PDE4D: variants seen among roughly 807,000 people sequenced by gnomAD.
The protein encoded by PDE4D is 3',5'-cyclic-AMP phosphodiesterase 4D.
In PDE4D, 24 loss-of-function variants were observed where a neutral mutation model predicts 87.4. That is an observed-to-expected ratio of 0.27 (90% CI 0.20 to 0.39). PDE4D has a LOEUF of 0.39. PDE4D is among the 10% of genes least tolerant of loss of function. The pLI, the probability that PDE4D is intolerant of heterozygous loss-of-function variation, is 1.00. For missense variants in PDE4D, 714 were observed against 1,041.0 expected (o/e 0.69, Z 4.32); for synonymous variants, 384 against 383.2 (o/e 1.00, Z -0.02).
intron 1 of PDE4D, among the ~76,000 whole-genome samples, chr5:59,699,470 TG>T (rs1362349629): frequency 2.0e-5 from 3 of 152,106 alleles, no homozygotes. Flanking sequence ...GCTTTTCCTG[TG>T]GGGGTCTTCT....
At chr5:59,372,905 T>C (rs924379714) in intron 1 of PDE4D, among the ~76,000 whole-genome samples, 1 of 152,092 alleles carries the variant, frequency 6.6e-6, no homozygotes, top group Admixed American at 6.5e-5. Context: ...AGTCCAGAAG[T>C]TGGGAGCTGA....
intron 1 of PDE4D, among the ~76,000 whole-genome samples, chr5:59,341,323 A>G (rs1361641117): frequency 1.3e-5 from 2 of 152,296 alleles, no homozygotes; most frequent in East Asian, 3.9e-4. Flanking sequence ...GGGTCCCTTC[A>G]ATAGTTTGGT....
chr5:60,031,082 T>C (rs1007984893), intron 2 of PDE4D: 1 of 152,214 alleles, frequency 6.6e-6, no homozygotes, highest in Non-Finnish European at 1.5e-5. Context: ...AGTGGACAAC[T>C]AAGAACACTT....
chr5:60,045,273 G>C (rs1769072865), intron 2 of PDE4D, among the ~76,000 whole-genome samples: 1 of 151,966 alleles, frequency 6.6e-6, no homozygotes, highest in Non-Finnish European at 1.5e-5. Context: ...CCCTTTGTCA[G>C]ATGAGTAGGT....
At chr5:59,752,305 G>C (rs1760596782) in intron 1 of PDE4D, among the ~76,000 whole-genome samples, 1 of 152,116 alleles carries the variant, frequency 6.6e-6, no homozygotes, top group African/African-American at 2.4e-5. Context: ...CTTTCAAGAG[G>C]TCTTTTTGTT....
Position 59,450,438 on chromosome 5 carries a change from T to C in PDE4D, c.456-234470A>G, listed in dbSNP as rs1486574243. Among the ~76,000 whole-genome samples the C allele has an allele frequency of 3.3e-5, 5 of 152,290 alleles. No individual in the cohort carries two copies. The South Asian group carries it at 8.3e-4, about 25-fold the overall frequency. On this transcript the variant is annotated intron_variant, in intron 1 of 14. Coordinates refer to ENST00000340635, the MANE Select transcript of PDE4D (RefSeq NM_001104631.2). ...GCAGTTTAGCACTGAGTACACTGTG[T>C]CCATCTAGTGGCCAAAAGGTGACTG...
At chr5:59,649,116 C>T (rs1329422993) in intron 1 of PDE4D, among the ~76,000 whole-genome samples, 1 of 152,098 alleles carries the variant, frequency 6.6e-6, no homozygotes, top group Admixed American at 6.5e-5. Context: ...ACAGGGCAGC[C>T]GCCTAAGAGA....
At chr5:60,243,087 A>G (rs1747317271) in intron 1 of PDE4D, among the ~76,000 whole-genome samples, 1 of 152,104 alleles carries the variant, frequency 6.6e-6, no homozygotes, top group East Asian at 1.9e-4. Context: ...AGCCAGATTA[A>G]GAAAAAAGAG....
intron 1 of PDE4D, among the ~76,000 whole-genome samples, chr5:60,221,170 C>T (rs1419666265): frequency 6.6e-6 from 1 of 152,066 alleles, no homozygotes; most frequent in East Asian, 1.9e-4. Context: ...CACACATACA[C>T]ACACACATTT....
chr5:59,583,954 T>C (rs1298812164), intron 1 of PDE4D, among the ~76,000 whole-genome samples: 1 of 152,224 alleles, frequency 6.6e-6, no homozygotes, highest in African/African-American at 2.4e-5. Context: ...AAAGCACATA[T>C]GTCTTTTACA....
At chr5:60,467,246 G>T (rs902319744) in intron 1 of PDE4D, among the ~76,000 whole-genome samples, 1 of 151,958 alleles carries the variant, frequency 6.6e-6, no homozygotes, top group Non-Finnish European at 1.5e-5. Flanking sequence ...CACCATGTTC[G>T]CCAGGCTGGT....
chr5:59,975,263 C>A (rs963798357), intron 3 of PDE4D, among the ~76,000 whole-genome samples: 3 of 152,134 alleles, frequency 2.0e-5, no homozygotes, highest in Non-Finnish European at 4.4e-5. Flanking sequence ...TCACCTCATG[C>A]CCCGATCTCT....
intron 3 of PDE4D, among the ~76,000 whole-genome samples, chr5:59,940,744 T>C (rs1368313586): frequency 6.6e-6 from 1 of 152,136 alleles, no homozygotes; most frequent in Non-Finnish European, 1.5e-5. Context: ...ATAAAATGTG[T>C]GAGTCCTGTA....
chr5:60,424,647 A>G (rs1480885144), intron 1 of PDE4D, among the ~76,000 whole-genome samples: 2 of 152,088 alleles, frequency 1.3e-5, no homozygotes, highest in Non-Finnish European at 2.9e-5. Flanking sequence ...CTCTCTCACC[A>G]CCCCTATGCA....
intron 1 of PDE4D, among the ~76,000 whole-genome samples, chr5:59,732,464 G>C (rs1199287684): frequency 6.6e-6 from 1 of 150,680 alleles, no homozygotes; most frequent in Non-Finnish European, 1.5e-5. Flanking sequence ...AGAAAACAAA[G>C]AGACAGAATT....
intron 1 of PDE4D, among the ~76,000 whole-genome samples, chr5:59,714,579 A>G (rs945058331): frequency 1.3e-5 from 2 of 152,190 alleles, no homozygotes; most frequent in Admixed American, 1.3e-4. Context: ...TCTATTACAG[A>G]TTTGATGGAC....
intron 2 of PDE4D, among the ~76,000 whole-genome samples, chr5:60,153,299 G>A (rs1781678545): frequency 6.6e-6 from 1 of 152,132 alleles, no homozygotes; most frequent in Non-Finnish European, 1.5e-5. Flanking sequence ...AATCATCAGG[G>A]AAATGCAAAT....
intron 5 of PDE4D, among the ~76,000 whole-genome samples, chr5:59,144,167 T>A (rs901948777): frequency 1.3e-5 from 2 of 152,224 alleles, no homozygotes; most frequent in Non-Finnish European, 2.9e-5. Context: ...AAAAGAATTA[T>A]CTGTCCTTAA....
intron 1 of PDE4D, among the ~76,000 whole-genome samples, chr5:59,652,992 C>A (rs973681348): frequency 1.3e-5 from 2 of 152,002 alleles, no homozygotes; most frequent in East Asian, 3.9e-4. Context: ...CAAAACAAAT[C>A]CATTGATATT....
Sources: gnomAD v4.1 joint callset for allele counts (sites outside exome capture counted in the v4.1 genomes callset) on GRCh38, gnomAD v4.1.1 for gene constraint, MANE v1.5 for transcripts, NCBI Gene and HGNC (gene_info 2026-07-23, HGNC 2026-07-21) for gene names.